The following GPC3 variants were observed in gnomAD, a reference collection of about 807,000 sequenced individuals.
The protein encoded by GPC3 is glypican 3.
Under a neutral mutation model 34.4 loss-of-function variants are expected in GPC3, and 3 were observed. The observed-to-expected ratio is 0.09, with a 90% confidence interval of 0.04 to 0.23. The LOEUF (loss-of-function observed/expected upper bound fraction) is 0.23. Ranked by LOEUF, GPC3 falls within the 10% of genes least tolerant of loss-of-function variation. GPC3 has a pLI of 1.00. For synonymous variants in GPC3, 177 were observed against 174.0 expected, an observed-to-expected ratio of 1.02 and a Z score of -0.13; for missense variants, 351 against 445.6, an observed-to-expected ratio of 0.79 and a Z score of 1.91.
chrX:133,684,424 C>A (rs1048094077), intron 5 of GPC3, among the ~76,000 whole-genome samples: 14 of 111,561 alleles, frequency 1.3e-4, no homozygotes, highest in Non-Finnish European at 3.8e-5. Flanking sequence ...GAAGACTATA[C>A]CTCAGTTTCT....
chrX:133,634,207 A>G (rs754566919), intron 6 of GPC3, among the ~76,000 whole-genome samples: 6 of 111,596 alleles, frequency 5.4e-5, no homozygotes, highest in Non-Finnish European at 1.1e-4. Flanking sequence ...GATAAAAAGA[A>G]CCCTCATGCA....
At chrX:133,748,089 A>C (rs1053624826) in intron 3 of GPC3, among the ~76,000 whole-genome samples, 1 of 112,409 alleles carries the variant, frequency 8.9e-6, no homozygotes, top group African/African-American at 3.2e-5. Context: ...AAGTTTTGGG[A>C]AAGTTTCCAG....
chrX:133,601,378 G>A (rs1293696297), intron 6 of GPC3, among the ~76,000 whole-genome samples: 2 of 111,498 alleles, frequency 1.8e-5, no homozygotes, highest in East Asian at 2.8e-4. Context: ...GAGTTCGAAC[G>A]CTACTTTTTC....
At chrX:133,704,299 T>G in intron 3 of GPC3, 1 of 956,261 alleles carries the variant, frequency 1.0e-6, no homozygotes, top group Admixed American at 3.0e-5. Flanking sequence ...AAGGTGAAAA[T>G]TACTTTCTGA....
At chrX:133,938,957 T>G (rs1211104865) in intron 2 of GPC3, among the ~76,000 whole-genome samples, 1 of 112,254 alleles carries the variant, frequency 8.9e-6, no homozygotes, top group Non-Finnish European at 1.9e-5. Context: ...ATACTCAAGT[T>G]GGCACATGTA....
At chrX:133,548,676 G>C (rs1340637987) in intron 7 of GPC3, among the ~76,000 whole-genome samples, 1 of 111,560 alleles carries the variant, frequency 9.0e-6, no homozygotes, top group Non-Finnish European at 1.9e-5. Flanking sequence ...GATATAGTTT[G>C]GCTGTGTCCC....
Position 133,753,701 on chromosome X carries a change from A to G in GPC3, c.813T>C (p.Val271=). ...CATTGCAGTAACCGCCACAGGGTTTAACCATCATCAGTCCCTGGCAGTAAG... is the reference window on the plus strand; with the variant it reads ...CATTGCAGTAACCGCCACAGGGTTTGACCATCATCAGTCCCTGGCAGTAAG... ...YCSYCQGLMM[V]KPCGGYCNVV... The change falls in exon 3 of 8, where the codon GTT becomes GTC. Residue 271 remains valine, a synonymous_variant. Transcript: ENST00000370818. 8.3e-7 allele frequency: 1 copy of G among 1,211,010 alleles called. No homozygotes were observed.
At chrX:133,563,824 T>C (rs2069559539) in intron 7 of GPC3, among the ~76,000 whole-genome samples, 1 of 112,200 alleles carries the variant, frequency 8.9e-6, no homozygotes, top group African/African-American at 3.2e-5. Flanking sequence ...TTAACCAAGC[T>C]AAGCCCTATT....
chrX:133,774,140 C>T (rs775531122), intron 2 of GPC3, among the ~76,000 whole-genome samples: 89 of 112,072 alleles, frequency 7.9e-4, no homozygotes, highest in Non-Finnish European at 1.4e-3. Flanking sequence ...AGTTAATTGG[C>T]GGGAGAATGC....
At chrX:133,725,431 T>C (rs1347883290) in intron 3 of GPC3, among the ~76,000 whole-genome samples, 1 of 112,541 alleles carries the variant, frequency 8.9e-6, no homozygotes, top group Non-Finnish European at 1.9e-5. Flanking sequence ...CTGAACAATA[T>C]CAGTGATTCC....
At chrX:133,560,498 G>A (rs2069531926) in intron 7 of GPC3, among the ~76,000 whole-genome samples, 1 of 112,457 alleles carries the variant, frequency 8.9e-6, no homozygotes, top group Non-Finnish European at 1.9e-5. Context: ...CAACACTTTG[G>A]GAGGCCGAGG....
chrX:133,639,244 C>T (rs1013000147), intron 6 of GPC3, among the ~76,000 whole-genome samples: 5 of 112,246 alleles, frequency 4.5e-5, no homozygotes, highest in Non-Finnish European at 9.4e-5. Flanking sequence ...CCAATTCCTG[C>T]AGGTGAATCT....
chrX:133,714,528 T>C (rs770924668), intron 3 of GPC3, among the ~76,000 whole-genome samples: 2 of 111,017 alleles, frequency 1.8e-5, no homozygotes, highest in East Asian at 2.8e-4. Flanking sequence ...CCTGATACCA[T>C]AATCTCTGCT....
At chrX:133,886,726 C>T (rs1231352964) in intron 2 of GPC3, among the ~76,000 whole-genome samples, 1 of 112,224 alleles carries the variant, frequency 8.9e-6, no homozygotes, top group Non-Finnish European at 1.9e-5. Flanking sequence ...GCTCATTTCA[C>T]TTAGCGTAAT....
At chrX:133,902,997 C>G (rs1325046085) in intron 2 of GPC3, among the ~76,000 whole-genome samples, 1 of 110,823 alleles carries the variant, frequency 9.0e-6, no homozygotes, top group Non-Finnish European at 1.9e-5. Context: ...GCAATCCCAG[C>G]ACTTTGGGAG....
rs755212946 is a variant in GPC3, at chrX:133,807,009, T to TG, written c.338-52834dup. 1.3e-4 allele frequency among the ~76,000 whole-genome samples: 14 copies of TG among 110,724 alleles called. No homozygotes were observed. In the East Asian group the frequency reaches 3.7e-3, roughly 29 times the overall value. On this transcript the variant is annotated intron_variant, in intron 2 of 7. Coordinates refer to ENST00000370818, the MANE Select transcript of GPC3 (RefSeq NM_004484.4). Reference sequence around the variant, plus strand: ...TTACAGCAAAGAAAGGATAAACGAGTGAAAAAAAGCATCCTACTGCATGTT... The same window carrying TG: ...TTACAGCAAAGAAAGGATAAACGAGTGGAAAAAAAGCATCCTACTGCATGTT...
At chrX:133,692,017 C>T (rs2071069080) in intron 5 of GPC3, among the ~76,000 whole-genome samples, 1 of 112,650 alleles carries the variant, frequency 8.9e-6, no homozygotes, top group Admixed American at 9.4e-5. Context: ...GATGCGATCT[C>T]AGCTCATTGC....
intron 7 of GPC3, among the ~76,000 whole-genome samples, chrX:133,562,218 G>A (rs1162334627): frequency 2.3e-4 from 26 of 111,645 alleles, no homozygotes; most frequent in Non-Finnish European, 4.7e-4. Flanking sequence ...TCAAAAAGGC[G>A]AAGGAGTCAC....
chrX:133,616,756 GGC>G, intron 6 of GPC3, among the ~76,000 whole-genome samples: 1 of 104,260 alleles, frequency 9.6e-6, no homozygotes, highest in African/African-American at 3.5e-5. Context: ...GGAGTGCAGT[GGC>G]GCAATCTCGG....
Sources: allele counts gnomAD v4.1 joint callset (sites outside exome capture counted in the v4.1 genomes callset), GRCh38; gene constraint gnomAD v4.1.1; transcripts MANE v1.5; gene names NCBI Gene and HGNC (gene_info 2026-07-23, HGNC 2026-07-21).